The following CDH13 variants were observed in gnomAD, a reference collection of about 807,000 sequenced individuals.
CDH13 encodes the protein cadherin-13.
CDH13 carries 24 observed loss-of-function variants against 63.8 expected under a neutral mutation model. The ratio of observed to expected loss-of-function variants is 0.38; its 90% confidence interval spans 0.27 to 0.53. The LOEUF is 0.53. CDH13 is among the 20% of genes least tolerant of loss of function. CDH13 has a pLI of 0.85. For synonymous variants in CDH13, 503 were observed against 355.3 expected, an observed-to-expected ratio of 1.42 and a Z score of -4.67; for missense variants, 1,049 against 903.1, an observed-to-expected ratio of 1.16 and a Z score of -2.07.
At chr16:82,900,058 A>C (rs115815395) in intron 2 of CDH13, among the ~76,000 whole-genome samples, 3 of 151,736 alleles carry the variant, frequency 2.0e-5, no homozygotes, top group Non-Finnish European at 2.9e-5. Context: ...CTTGCTTTCT[A>C]TTTCCCAGAA....
At chr16:83,686,587 C>T (rs1904329418) in intron 10 of CDH13, among the ~76,000 whole-genome samples, 1 of 152,154 alleles carries the variant, frequency 6.6e-6, no homozygotes, top group South Asian at 2.1e-4. Flanking sequence ...GTAGCTCTCA[C>T]CTTGCAAGAA....
chr16:83,561,770 G>A (rs1197383468), intron 7 of CDH13, among the ~76,000 whole-genome samples: 18 of 152,182 alleles, frequency 1.2e-4, no homozygotes, highest in Non-Finnish European at 2.4e-4. Context: ...AATTGTGCCT[G>A]CTGATTGCTG....
intron 6 of CDH13, among the ~76,000 whole-genome samples, chr16:83,462,240 C>T (rs963522357): frequency 3.9e-5 from 6 of 152,212 alleles, no homozygotes; most frequent in African/African-American, 1.4e-4. Flanking sequence ...CTGCCTTAGC[C>T]CCTGGGAAAG....
At chr16:82,858,805 A>C (rs944067982) in intron 2 of CDH13, 4 of 381,498 alleles carry the variant, frequency 1.0e-5, no homozygotes, top group Non-Finnish European at 1.9e-5. Context: ...CCCAAAATCA[A>C]AATCATTGCC....
intron 2 of CDH13, among the ~76,000 whole-genome samples, chr16:82,997,004 A>AGTGATG (rs1372270141): frequency 4.1e-5 from 5 of 123,344 alleles, no homozygotes; most frequent in African/African-American, 7.0e-5. Flanking sequence ...TGATGATGAT[A>AGTGATG]GTGATGGTGA....
At chr16:83,534,339 T>C (rs963999279) in intron 7 of CDH13, among the ~76,000 whole-genome samples, 4 of 152,234 alleles carry the variant, frequency 2.6e-5, no homozygotes, top group African/African-American at 9.6e-5. Context: ...GGCTAGGTTC[T>C]TTGACCTCTT....
intron 6 of CDH13, among the ~76,000 whole-genome samples, chr16:83,473,903 G>A (rs928286668): frequency 2.0e-5 from 3 of 152,114 alleles, no homozygotes; most frequent in Non-Finnish European, 4.4e-5. Flanking sequence ...TGCCTCATAG[G>A]GTTTGTGGGA....
At chr16:82,694,908 A>G (rs1363522293) in intron 1 of CDH13, among the ~76,000 whole-genome samples, 2 of 151,996 alleles carry the variant, frequency 1.3e-5, no homozygotes, top group Non-Finnish European at 2.9e-5. Context: ...AGCATAACAG[A>G]TGGAACTGAG....
Position 83,156,888 on chromosome 16 carries a change from C to A in CDH13, c.483+31387C>A, listed in dbSNP as rs141650290. ...TGATCCGGAAGGCGGCAGAGGCACT[C>A]CTTCTGACATTGCAGATGAAAATAA... On this transcript the variant is annotated intron_variant, in intron 4 of 13. Coordinates refer to ENST00000567109, the MANE Select transcript of CDH13 (RefSeq NM_001257.5). Among the ~76,000 whole-genome samples the A allele has an allele frequency of 4.4e-3, 664 of 152,304 alleles. 4 individuals carry two copies. The highest frequency in any genetic ancestry group is 0.015 in the African/African-American group (630 of 41,556).
chr16:83,319,163 C>G (rs538426621), intron 5 of CDH13, among the ~76,000 whole-genome samples: 8 of 152,198 alleles, frequency 5.3e-5, no homozygotes, highest in African/African-American at 1.7e-4. Context: ...CTTGTTGTCT[C>G]TTATAGAACT....
At chr16:83,031,799 G>A (rs566762474) in intron 2 of CDH13, among the ~76,000 whole-genome samples, 1 of 152,134 alleles carries the variant, frequency 6.6e-6, no homozygotes, top group Non-Finnish European at 1.5e-5. Context: ...CCTGGAACAT[G>A]CGAGTTCGTC....
chr16:82,951,550 G>T (rs1372743131), intron 2 of CDH13, among the ~76,000 whole-genome samples: 1 of 152,148 alleles, frequency 6.6e-6, no homozygotes, highest in Non-Finnish European at 1.5e-5. Context: ...GCGAGACCAC[G>T]GCATGAGCTC....
intron 4 of CDH13, among the ~76,000 whole-genome samples, chr16:83,196,998 G>A (rs900616161): frequency 6.6e-6 from 1 of 152,194 alleles, no homozygotes; most frequent in African/African-American, 2.4e-5. Context: ...AATGTTCATA[G>A]CAGCTTGATT....
intron 6 of CDH13, among the ~76,000 whole-genome samples, chr16:83,349,587 T>A (rs907312376): frequency 6.7e-6 from 1 of 149,780 alleles, no homozygotes; most frequent in Non-Finnish European, 1.5e-5. Flanking sequence ...GGTGCATTAT[T>A]ATTATTATTA....
chr16:83,264,574 A>ATG (rs1241649879), intron 5 of CDH13, among the ~76,000 whole-genome samples: 2 of 151,436 alleles, frequency 1.3e-5, no homozygotes, highest in African/African-American at 2.4e-5. Flanking sequence ...GTGTATACAT[A>ATG]TGTGTATATA....
chr16:83,211,824 T>G (rs1341759235), intron 4 of CDH13, among the ~76,000 whole-genome samples: 1 of 151,982 alleles, frequency 6.6e-6, no homozygotes, highest in African/African-American at 2.4e-5. Context: ...CTGTGTGCTA[T>G]TTACATGCCC....
At chr16:82,860,054 T>A (rs1446767110) in intron 2 of CDH13, among the ~76,000 whole-genome samples, 1 of 152,186 alleles carries the variant, frequency 6.6e-6, no homozygotes, top group African/African-American at 2.4e-5. Context: ...TCAGAATCAA[T>A]ATATTTCAAA....
intron 3 of CDH13, among the ~76,000 whole-genome samples, chr16:83,062,793 G>C (rs76424571): frequency 0.044 from 6,643 of 152,194 alleles, 237 homozygotes; most frequent in Admixed American, 0.12. Flanking sequence ...GTTGTCAACT[G>C]GGTCTTTCAC....
chr16:83,559,361 T>C (rs1036393159), intron 7 of CDH13, among the ~76,000 whole-genome samples: 1 of 152,036 alleles, frequency 6.6e-6, no homozygotes, highest in African/African-American at 2.4e-5. Context: ...CACCTGAGGT[T>C]GTGAGTTCAA....
Sources: allele counts gnomAD v4.1 joint callset (sites outside exome capture counted in the v4.1 genomes callset), GRCh38; gene constraint gnomAD v4.1.1; transcripts MANE v1.5; gene names NCBI Gene and HGNC (gene_info 2026-07-23, HGNC 2026-07-21).